The following LPAR1 variants were observed in gnomAD, a reference collection of about 807,000 sequenced individuals.
LPAR1 encodes lysophosphatidic acid receptor 1.
Under a neutral mutation model 23.8 loss-of-function variants are expected in LPAR1, and 5 were observed. The observed-to-expected ratio is 0.21, with a 90% CI of 0.11 to 0.44. The LOEUF is 0.44. Among genes scored for constraint, LPAR1 ranks in the 20% least tolerant of loss-of-function variants. The pLI is 0.99. For missense variants in LPAR1, 311 were observed against 482.8 expected, an observed-to-expected ratio of 0.64 and a Z score of 3.33; for synonymous variants, 160 against 164.7, an observed-to-expected ratio of 0.97 and a Z score of 0.22.
intron 5 of LPAR1, among the ~76,000 whole-genome samples, chr9:110,888,935 T>C (rs2083224735): frequency 6.6e-6 from 1 of 152,212 alleles, no homozygotes; most frequent in South Asian, 2.1e-4. Flanking sequence ...TGAGAACTCC[T>C]GACTTGGAGT....
At chr9:110,963,248 G>A (rs1452879673) in intron 4 of LPAR1, among the ~76,000 whole-genome samples, 1 of 152,200 alleles carries the variant, frequency 6.6e-6, no homozygotes, top group African/African-American at 2.4e-5. Flanking sequence ...TGGGCTTTCA[G>A]ATTCCAAAAT....
In LPAR1 at chr9:110,949,247, T is replaced by C. The variant is rs567996481; in HGVS notation, c.46-7079A>G. On this transcript the variant is annotated intron_variant, in intron 4 of 5. Coordinates refer to ENST00000683809, the MANE Select transcript of LPAR1 (RefSeq NM_001351411.2). ...ATTCTCTCAAACCAGCCTCACTGAA[T>C]ATAAACTCATCTTCCAAAAGGAAAA... 2.0e-5 allele frequency among the ~76,000 whole-genome samples: 3 copies of C among 152,168 alleles called. No individual in the cohort carries two copies. In the South Asian group the frequency reaches 6.2e-4, roughly 32 times the overall value.
intron 5 of LPAR1, among the ~76,000 whole-genome samples, chr9:110,918,378 T>C (rs1254118976): frequency 1.3e-5 from 2 of 152,182 alleles, no homozygotes; most frequent in Admixed American, 6.5e-5. Context: ...AAATTTTCAT[T>C]TATATTTTAA....
intron 5 of LPAR1, among the ~76,000 whole-genome samples, chr9:110,894,713 T>C (rs1434637937): frequency 6.6e-6 from 1 of 152,104 alleles, no homozygotes; most frequent in Non-Finnish European, 1.5e-5. Context: ...AGTCCTCTTT[T>C]TGCTTAAAAT....
intron 4 of LPAR1, among the ~76,000 whole-genome samples, chr9:110,950,272 C>T (rs572076318): frequency 2.8e-4 from 42 of 152,074 alleles, no homozygotes; most frequent in African/African-American, 9.4e-4. Flanking sequence ...CCAGTCTGGA[C>T]AGCATGGCAA....
chr9:111,010,030 T>C (rs974718478), intron 2 of LPAR1, among the ~76,000 whole-genome samples: 2 of 55,990 alleles, frequency 3.6e-5, no homozygotes, highest in South Asian at 9.0e-4. Context: ...TATATATATA[T>C]ATATATATAT....
At chr9:111,007,623 T>C (rs1231524563) in intron 2 of LPAR1, among the ~76,000 whole-genome samples, 2 of 152,080 alleles carry the variant, frequency 1.3e-5, no homozygotes, top group Non-Finnish European at 2.9e-5. Context: ...TAATATTCAG[T>C]TTAATGAAGT....
At chr9:111,026,411 C>T (rs2097692598) in intron 2 of LPAR1, among the ~76,000 whole-genome samples, 1 of 152,204 alleles carries the variant, frequency 6.6e-6, no homozygotes, top group African/African-American at 2.4e-5. Flanking sequence ...TGCTTATCAG[C>T]TTAAGGAGAT....
At chr9:111,006,442 C>T (rs968037952) in intron 2 of LPAR1, among the ~76,000 whole-genome samples, 2 of 152,124 alleles carry the variant, frequency 1.3e-5, no homozygotes, top group Admixed American at 1.3e-4. Flanking sequence ...TAACTTATTC[C>T]TTCTTCCTTA....
intron 5 of LPAR1, among the ~76,000 whole-genome samples, chr9:110,912,955 A>G (rs1004218033): frequency 1.3e-5 from 2 of 152,246 alleles, no homozygotes; most frequent in African/African-American, 2.4e-5. Flanking sequence ...CTCAGAAAGC[A>G]CTGTCATACG....
chr9:111,038,981 G>A (rs932925635), upstream of LPAR1, among the ~76,000 whole-genome samples: 7 of 152,212 alleles, frequency 4.6e-5, no homozygotes, highest in African/African-American at 1.2e-4. This position sits in a 1 kb window ranked among gnomAD's most constrained non-coding sequence, Gnocchi z 4.4. Flanking sequence ...CGCGGGGCCC[G>A]CAAAACCCCG....
chr9:110,897,455 A>G (rs2086823057), intron 5 of LPAR1, among the ~76,000 whole-genome samples: 1 of 152,204 alleles, frequency 6.6e-6, no homozygotes, highest in African/African-American at 2.4e-5. Context: ...AGTCTCGGGT[A>G]TGTCTTTATC....
chr9:110,919,202 T>TTC (rs1200279518), intron 5 of LPAR1, among the ~76,000 whole-genome samples: 1 of 151,814 alleles, frequency 6.6e-6, no homozygotes, highest in African/African-American at 2.4e-5. Context: ...AAGTACAGAT[T>TTC]TCTCTCTCTC....
Position 110,941,284 on chromosome 9 carries a change from G to A in LPAR1, c.793+137C>T, listed in dbSNP as rs2095082828. On this transcript the variant is annotated intron_variant, in intron 5 of 5. Transcript: ENST00000683809. This position sits in a 1 kb window ranked among gnomAD's most constrained non-coding sequence, Gnocchi z 6.1. ...TCATAAGCTGACATTTAATATAAAG[G>A]TGCCTCATCCCCTTGTAATTCCTGG... is the stretch of plus-strand genomic sequence containing the variant. The A allele has an allele frequency of 1.3e-6, 1 of 748,514 alleles. No individual in the cohort carries two copies. 46.4% of individuals were successfully genotyped at this position (748,514 alleles called of 1,614,324 possible). A position where few individuals can be genotyped will look rare whatever the true frequency, so the allele number is the denominator to read the frequency against.
At chr9:111,016,701 T>C (rs1437472275) in intron 2 of LPAR1, among the ~76,000 whole-genome samples, 1 of 152,218 alleles carries the variant, frequency 6.6e-6, no homozygotes, top group Non-Finnish European at 1.5e-5. Context: ...TTATCAAAAA[T>C]ATCCTTTTGC....
intron 5 of LPAR1, among the ~76,000 whole-genome samples, chr9:110,888,204 A>T (rs1251039882): frequency 6.6e-6 from 1 of 152,336 alleles, no homozygotes; most frequent in Non-Finnish European, 1.5e-5. Context: ...ACATAGAGTC[A>T]AGGCTTTTTA....
At chr9:110,910,361 A>AT (rs1410758224) in intron 5 of LPAR1, among the ~76,000 whole-genome samples, 3 of 152,290 alleles carry the variant, frequency 2.0e-5, no homozygotes, top group Admixed American at 6.5e-5. Flanking sequence ...CTTACTGAAT[A>AT]TTTTAAGCCC....
At chr9:111,025,215 A>C (rs969281262) in intron 2 of LPAR1, among the ~76,000 whole-genome samples, 1 of 152,044 alleles carries the variant, frequency 6.6e-6, no homozygotes, top group Non-Finnish European at 1.5e-5. Flanking sequence ...GCATCTGTTG[A>C]TTCCTGACTT....
At chr9:110,913,302 G>T (rs1487905377) in intron 5 of LPAR1, among the ~76,000 whole-genome samples, 2 of 152,152 alleles carry the variant, frequency 1.3e-5, no homozygotes, top group African/African-American at 2.4e-5. Flanking sequence ...AGAAAGTACA[G>T]ACTTTTAGAG....
Sources: allele counts gnomAD v4.1 joint callset (sites outside exome capture counted in the v4.1 genomes callset), GRCh38; gene constraint gnomAD v4.1.1; non-coding constraint Gnocchi (gnomAD v3.1); transcripts MANE v1.5; gene names NCBI Gene and HGNC (gene_info 2026-07-23, HGNC 2026-07-21).